CCDC13: variants seen among roughly 807,000 people sequenced by gnomAD.
CCDC13 encodes the protein coiled-coil domain-containing protein 13.
Under a neutral mutation model 87.3 loss-of-function variants are expected in CCDC13, and 70 were observed. The ratio of observed to expected loss-of-function variants is 0.80; its 90% CI spans 0.66 to 0.98. The LOEUF (loss-of-function observed/expected upper bound fraction) is 0.98, where lower values mean the gene tolerates loss of function less well. CCDC13 is among the 50% of genes least tolerant of loss of function. The pLI is 0.00. For synonymous variants in CCDC13, 317 were observed against 360.3 expected, an observed-to-expected ratio of 0.88 and a Z score of 1.36; for missense variants, 842 against 892.0, an observed-to-expected ratio of 0.94 and a Z score of 0.71.
chr3:42,716,205 T>C (rs1269412103), intron 13 of CCDC13, among the ~76,000 whole-genome samples: 1 of 150,936 alleles, frequency 6.6e-6, no homozygotes, highest in Non-Finnish European at 1.5e-5. Context: ...ACACAGAAAA[T>C]CTAAATTTGA....
chr3:42,730,665 A>C, intron 12 of CCDC13, 76 bp from the exon 13 acceptor site: 1 of 1,561,220 alleles, frequency 6.4e-7, no homozygotes. Flanking sequence ...TGATGGTTGG[A>C]GGGACTAGAA....
intron 8 of CCDC13, 60 bp downstream of exon 8, chr3:42,742,836 A>G (rs998457987): frequency 3.8e-6 from 6 of 1,592,870 alleles, no homozygotes; most frequent in Non-Finnish European, 5.1e-6. Flanking sequence ...GAGCCCTTGC[A>G]GGCACCATCA....
chr3:42,742,802 A>G (rs765271228), intron 8 of CCDC13, 94 bp downstream of exon 8: 69 of 1,501,898 alleles, frequency 4.6e-5, no homozygotes, highest in East Asian at 9.1e-5. Flanking sequence ...GGGGTGGCTC[A>G]GACTTCTGAC....
chr3:42,719,578 G>A (rs1698513033), intron 13 of CCDC13: 1 of 151,738 alleles, frequency 6.6e-6, no homozygotes, highest in Non-Finnish European at 1.5e-5. Context: ...ACCTTATGAT[G>A]GAACACAGGC....
intron 5 of CCDC13, among the ~76,000 whole-genome samples, chr3:42,748,182 G>T (rs1156638384): frequency 6.6e-6 from 1 of 152,020 alleles, no homozygotes; most frequent in Non-Finnish European, 1.5e-5. Context: ...GTGACTCATA[G>T]ATATTTGACA....
At chr3:42,733,739 GC>G in intron 10 of CCDC13, 130 bp from the exon 11 acceptor site, 1 of 1,196,488 alleles carries the variant, frequency 8.4e-7, no homozygotes, top group Non-Finnish European at 1.1e-6. Context: ...GGAGTGAAAA[GC>G]GAGGCCTGTT....
rs576557315 is a variant in CCDC13, at chr3:42,739,443, A to T, written c.1164+191T>A. Among the ~76,000 whole-genome samples, 269 of 152,308 alleles carry T rather than the reference A, an allele frequency of 1.8e-3. 2 individuals are homozygous for T. The highest frequency in any genetic ancestry group is 3.9e-3 in the Admixed American group (60 of 15,306). On this transcript the variant is annotated intron_variant, in intron 9 of 15. Transcript: ENST00000310232. ...CCATCACAGCCCCCTACCTGCCCTC[A>T]GGCAGCCTCCCTGAGCTGCTCCTGT... is the stretch of plus-strand genomic sequence containing the variant.
At chr3:42,705,101 A>T (rs925736151), downstream of CCDC13, 3 of 152,326 alleles carry the variant, frequency 2.0e-5, no homozygotes, top group Non-Finnish European at 2.9e-5. Flanking sequence ...CATGTATCGT[A>T]CATACGTGTG....
At chr3:42,740,891 G>A (rs1699194430) in intron 8 of CCDC13, 1 of 152,164 alleles carries the variant, frequency 6.6e-6, no homozygotes, top group Admixed American at 6.5e-5. Flanking sequence ...TGCAAAACAA[G>A]TAAAACATGA....
intron 1 of CCDC13, among the ~76,000 whole-genome samples, chr3:42,759,203 G>A (rs2125910544): frequency 6.6e-6 from 1 of 152,100 alleles, no homozygotes; most frequent in East Asian, 1.9e-4. Flanking sequence ...CAGCTACTTA[G>A]GAGGCTGAGG....
chr3:42,769,940 G>A (rs573767650), intron 1 of CCDC13, among the ~76,000 whole-genome samples: 5 of 152,386 alleles, frequency 3.3e-5, no homozygotes, highest in African/African-American at 9.6e-5. Flanking sequence ...CGCCATGCCT[G>A]AGCCTCCCCC....
intron 1 of CCDC13, among the ~76,000 whole-genome samples, chr3:42,772,462 T>A (rs1393828153): frequency 6.6e-6 from 1 of 151,932 alleles, no homozygotes; most frequent in Non-Finnish European, 1.5e-5. Flanking sequence ...TGAGGAAGGA[T>A]TGAGACCCCT....
intron 5 of CCDC13, among the ~76,000 whole-genome samples, chr3:42,748,463 G>T (rs1428283461): frequency 1.3e-5 from 2 of 152,242 alleles, no homozygotes; most frequent in Non-Finnish European, 2.9e-5. Context: ...CCCCAACAGG[G>T]CAAAGCAGCT....
At chr3:42,734,247 C>T (rs1158352056) in intron 10 of CCDC13, among the ~76,000 whole-genome samples, 1 of 152,162 alleles carries the variant, frequency 6.6e-6, no homozygotes, top group East Asian at 1.9e-4. Flanking sequence ...CAGCCCCACC[C>T]ATTTTGAGAA....
chr3:42,728,890 C>T (rs1220711437), intron 13 of CCDC13, among the ~76,000 whole-genome samples: 4 of 151,900 alleles, frequency 2.6e-5, no homozygotes. Flanking sequence ...GGTGTGAGCA[C>T]CTCTTTACAT....
chr3:42,762,656 T>TG (rs1297930050), intron 1 of CCDC13, among the ~76,000 whole-genome samples: 2 of 152,228 alleles, frequency 1.3e-5, no homozygotes, highest in Non-Finnish European at 2.9e-5. Context: ...AGAAGACAAC[T>TG]GGAAGCTTGC....
chr3:42,722,775 T>C (rs933689113), intron 13 of CCDC13, among the ~76,000 whole-genome samples: 2 of 151,614 alleles, frequency 1.3e-5, no homozygotes, highest in African/African-American at 4.8e-5. Flanking sequence ...GGAGTAGCCA[T>C]TCTTTTATTC....
At chr3:42,720,168 T>G (rs1476505991) in intron 13 of CCDC13, among the ~76,000 whole-genome samples, 1 of 152,158 alleles carries the variant, frequency 6.6e-6, no homozygotes, top group African/African-American at 2.4e-5. Context: ...CCCCTAGCTA[T>G]GCAAAGATGG....
intron 13 of CCDC13, among the ~76,000 whole-genome samples, chr3:42,730,249 A>G (rs568923637): frequency 2.0e-5 from 3 of 152,068 alleles, no homozygotes; most frequent in Non-Finnish European, 4.4e-5. Flanking sequence ...CAACAGTCCC[A>G]TTGGGTGCAT....
Sources: allele counts gnomAD v4.1 joint callset (sites outside exome capture counted in the v4.1 genomes callset), GRCh38; gene constraint gnomAD v4.1.1; transcripts MANE v1.5; gene names NCBI Gene and HGNC (gene_info 2026-07-23, HGNC 2026-07-21).